The following CTNNA1 variants were observed in gnomAD, a reference collection of about 807,000 sequenced individuals.
CTNNA1 encodes the protein catenin alpha 1, also known as catenin alpha-1.
Under a neutral mutation model 98.4 loss-of-function variants are expected in CTNNA1, and 37 were observed. That is an observed-to-expected ratio of 0.38 (90% CI 0.29 to 0.49). The LOEUF (loss-of-function observed/expected upper bound fraction) is 0.49, where lower values mean the gene tolerates loss of function less well. CTNNA1 is among the 20% of genes least tolerant of loss of function. The pLI, the probability that CTNNA1 is intolerant of heterozygous loss-of-function variation, is 0.95. For missense variants in CTNNA1, 761 were observed against 1,147.2 expected, an observed-to-expected ratio of 0.66 and a Z score of 4.86; for synonymous variants, 404 against 413.2, an observed-to-expected ratio of 0.98 and a Z score of 0.27.
intron 1 of CTNNA1, among the ~76,000 whole-genome samples, chr5:138,772,189 A>G (rs1753628201): frequency 6.6e-6 from 1 of 152,228 alleles, no homozygotes; most frequent in East Asian, 1.9e-4. Context: ...GTAGATTGCT[A>G]GCTAAATGAT....
chr5:138,805,052 G>A (rs1757944299), intron 3 of CTNNA1, among the ~76,000 whole-genome samples: 1 of 152,134 alleles, frequency 6.6e-6, no homozygotes, highest in Non-Finnish European at 1.5e-5. Context: ...ACATGGTGGG[G>A]AGGAGCAAGA....
At chr5:138,776,632 C>T (rs1435223831) in intron 1 of CTNNA1, among the ~76,000 whole-genome samples, 43 of 151,928 alleles carry the variant, frequency 2.8e-4, no homozygotes, top group Non-Finnish European at 5.2e-4. Flanking sequence ...CGGGCAGAGG[C>T]GCCCCTCACC....
intron 1 of CTNNA1, among the ~76,000 whole-genome samples, chr5:138,770,661 A>G (rs1753440246): frequency 6.6e-6 from 1 of 152,200 alleles, no homozygotes; most frequent in Non-Finnish European, 1.5e-5. Flanking sequence ...TTGTCAAGAC[A>G]GAAAGACCTC....
chr5:138,772,281 A>T (rs180737991), intron 1 of CTNNA1, among the ~76,000 whole-genome samples: 9 of 152,340 alleles, frequency 5.9e-5, no homozygotes, highest in East Asian at 5.8e-4. Context: ...TGAAGACCAG[A>T]TAAGTACAGT....
At chr5:138,846,044 A>G (rs1269320234) in intron 7 of CTNNA1, among the ~76,000 whole-genome samples, 1 of 152,148 alleles carries the variant, frequency 6.6e-6, no homozygotes. Context: ...CTCCTGCCTC[A>G]GCCTCCCAAG....
At chr5:138,839,792 G>C (rs1762122329) in intron 7 of CTNNA1, among the ~76,000 whole-genome samples, 2 of 152,198 alleles carry the variant, frequency 1.3e-5, no homozygotes, top group Admixed American at 1.3e-4. Context: ...CTCAACCAGT[G>C]TTTTCAAAAC....
intron 9 of CTNNA1, among the ~76,000 whole-genome samples, chr5:138,893,160 C>T (rs1359417946): frequency 4.6e-5 from 7 of 152,296 alleles, no homozygotes; most frequent in South Asian, 2.1e-4. Context: ...TCAAGGCCAG[C>T]CCTCACGGAA....
chr5:138,895,552 C>G (rs1756596929), intron 9 of CTNNA1, among the ~76,000 whole-genome samples: 1 of 151,626 alleles, frequency 6.6e-6, no homozygotes, highest in Non-Finnish European at 1.5e-5. Context: ...AAACCTGTAG[C>G]AAACTTCCTG....
rs139063484 is a variant in CTNNA1, at chr5:138,798,271, C to T, written c.302-11767C>T. Reference sequence around the variant, plus strand: ...CTGAGTAAGGTATGGGAGATGTGTACTCATTTTACAGAAAAGAAAACAGCT... The same window carrying T: ...CTGAGTAAGGTATGGGAGATGTGTATTCATTTTACAGAAAAGAAAACAGCT... On this transcript the variant is annotated intron_variant, in intron 3 of 17. Coordinates refer to ENST00000302763, the MANE Select transcript of CTNNA1 (RefSeq NM_001903.5). Among the ~76,000 whole-genome samples the T allele has an allele frequency of 9.9e-4, 151 of 152,240 alleles. 1 individual carries two copies. The highest frequency in any genetic ancestry group is 3.4e-3 in the Middle Eastern group (1 of 294).
At chr5:138,845,091 T>C (rs1247299953) in intron 7 of CTNNA1, among the ~76,000 whole-genome samples, 1 of 152,178 alleles carries the variant, frequency 6.6e-6, no homozygotes, top group East Asian at 1.9e-4. Flanking sequence ...AATACGGGGC[T>C]TGTGGAAAGA....
In CTNNA1 at chr5:138,836,768, G is replaced by T. The variant is rs1446419086; in HGVS notation, c.1062+9050G>T. On this transcript the variant is annotated intron_variant, in intron 7 of 17. Transcript: ENST00000302763. Reference sequence around the variant, plus strand: ...TTTGTGCTGTTTAGCCATCAAGCAGGGTTGAAAAGACTTCATATCTAAAGT... The same window carrying T: ...TTTGTGCTGTTTAGCCATCAAGCAGTGTTGAAAAGACTTCATATCTAAAGT... Among the ~76,000 whole-genome samples the T allele has an allele frequency of 2.6e-5, 4 of 152,012 alleles. 1 individual carries two copies. Among genetic ancestry groups the T allele is most frequent in the Admixed American group, 2.6e-4 (4 of 15,262 alleles).
chr5:138,898,601 TAAAA>T (rs74525874), intron 9 of CTNNA1, among the ~76,000 whole-genome samples: 2 of 143,136 alleles, frequency 1.4e-5, no homozygotes, highest in South Asian at 4.5e-4. Context: ...GACCCTGTCT[TAAAA>T]AAAAAAAAAA....
intron 7 of CTNNA1, among the ~76,000 whole-genome samples, chr5:138,845,090 C>CT (rs1762593952): frequency 6.6e-6 from 1 of 152,100 alleles, no homozygotes; most frequent in Non-Finnish European, 1.5e-5. Context: ...CAATACGGGG[C>CT]TTGTGGAAAG....
At chr5:138,922,619 T>C (rs1320694688) in intron 11 of CTNNA1, among the ~76,000 whole-genome samples, 3 of 152,204 alleles carry the variant, frequency 2.0e-5, no homozygotes, top group Non-Finnish European at 4.4e-5. Flanking sequence ...CTATGCTGTT[T>C]CCTTAGCTAA....
Position 138,824,739 on chromosome 5 carries a change from T to G in CTNNA1, c.798T>G (p.Asp266Glu). Residue 266 changes from aspartate to glutamate, a missense_variant, in exon 6 of 18, where the codon GAT becomes GAG. Physicochemically the swap from Asp to Glu is conservative, Grantham distance 45 (BLOSUM62 2). Transcript: ENST00000302763. ...SNAAQATASD[D>E]ASQHQGGGGG... ...CAGCCCAGGCCACTGCCTCAGACGA[T>G]GCCTCACAGCACCAGGGTGGAGGAG... 6.2e-7 allele frequency: 1 copy of G among 1,614,168 alleles called. No homozygotes were observed. The highest frequency in any genetic ancestry group is 2.2e-5 in the East Asian group (1 of 44,870).
At chr5:138,856,918 A>G (rs1456399094) in intron 7 of CTNNA1, among the ~76,000 whole-genome samples, 1 of 152,220 alleles carries the variant, frequency 6.6e-6, no homozygotes, top group African/African-American at 2.4e-5. Context: ...TTTAGACTAG[A>G]GATTAATAAT....
At chr5:138,788,397 GGGGT>G (rs1349532874) in intron 3 of CTNNA1, among the ~76,000 whole-genome samples, 3 of 152,126 alleles carry the variant, frequency 2.0e-5, no homozygotes, top group African/African-American at 7.2e-5. Flanking sequence ...TGCATGGGTA[GGGGT>G]GGAGAATCTT....
intron 16 of CTNNA1, chr5:138,931,728 A>C: frequency 2.0e-6 from 2 of 985,418 alleles, no homozygotes; most frequent in Non-Finnish European, 2.4e-6. Context: ...CCAGCTGTCA[A>C]TACTGTCATC....
intron 11 of CTNNA1, among the ~76,000 whole-genome samples, chr5:138,923,095 A>G (rs1478366903): frequency 1.3e-5 from 2 of 152,202 alleles, no homozygotes; most frequent in African/African-American, 2.4e-5. Context: ...TAGTTTTGCT[A>G]TCAACATGAT....
Sources: gnomAD v4.1 joint callset for allele counts (sites outside exome capture counted in the v4.1 genomes callset) on GRCh38, gnomAD v4.1.1 for gene constraint, MANE v1.5 for transcripts, NCBI Gene and HGNC (gene_info 2026-07-23, HGNC 2026-07-21) for gene names.